Variants in CNTNAP5 observed in about 807,000 individuals in gnomAD.
CNTNAP5 encodes contactin associated protein family member 5.
Under a neutral mutation model 150.2 loss-of-function variants are expected in CNTNAP5, and 72 were observed. That is an observed-to-expected ratio of 0.48 (90% CI 0.40 to 0.58). CNTNAP5 has a LOEUF of 0.58. Ranked by LOEUF, CNTNAP5 falls within the 20% of genes least tolerant of loss-of-function variation. The pLI is 0.00. For synonymous variants in CNTNAP5, 672 were observed against 619.8 expected (o/e 1.08, Z -1.25); for missense variants, 1,636 against 1,626.2 (o/e 1.01, Z -0.10).
At chr2:124,830,475 A>G (rs1161898210) in intron 19 of CNTNAP5, among the ~76,000 whole-genome samples, 1 of 152,058 alleles carries the variant, frequency 6.6e-6, no homozygotes, top group African/African-American at 2.4e-5. Context: ...CCATTCAGAT[A>G]ACTGTCAAAT....
At chr2:124,579,816 C>T (rs184347990) in intron 11 of CNTNAP5, among the ~76,000 whole-genome samples, 1 of 152,200 alleles carries the variant, frequency 6.6e-6, no homozygotes, top group Admixed American at 6.5e-5. Flanking sequence ...GTTTTGGTCA[C>T]ACTCTCACCT....
intron 1 of CNTNAP5, among the ~76,000 whole-genome samples, chr2:124,200,195 C>A (rs1340251151): frequency 5.3e-5 from 8 of 152,180 alleles, no homozygotes; most frequent in Admixed American, 2.6e-4. Context: ...GACTTTACAT[C>A]TATTGAACTA....
At chr2:124,825,857 A>G (rs1001406610) in intron 19 of CNTNAP5, among the ~76,000 whole-genome samples, 14 of 152,120 alleles carry the variant, frequency 9.2e-5, no homozygotes, top group Admixed American at 8.5e-4. Flanking sequence ...CATGCTTTGT[A>G]TCTGTTGGAA....
At chr2:124,843,440 A>G (rs931058913) in intron 19 of CNTNAP5, among the ~76,000 whole-genome samples, 2 of 151,564 alleles carry the variant, frequency 1.3e-5, no homozygotes, top group East Asian at 1.9e-4. Context: ...GGCTGGTTCC[A>G]TATTTTTGCA....
At chr2:124,383,693 A>T (rs555814047) in intron 3 of CNTNAP5, among the ~76,000 whole-genome samples, 1 of 152,328 alleles carries the variant, frequency 6.6e-6, no homozygotes, top group East Asian at 1.9e-4. Flanking sequence ...GAGAAGGCTG[A>T]TTTATGCAAA....
At chr2:124,212,631 T>C (rs1490082430) in intron 1 of CNTNAP5, among the ~76,000 whole-genome samples, 1 of 152,126 alleles carries the variant, frequency 6.6e-6, no homozygotes, top group East Asian at 1.9e-4. Context: ...GTTTAATAGC[T>C]TTACCGTATT....
intron 18 of CNTNAP5, among the ~76,000 whole-genome samples, chr2:124,794,209 C>T (rs191942707): frequency 1.9e-4 from 29 of 152,318 alleles, no homozygotes; most frequent in Non-Finnish European, 4.1e-4. Flanking sequence ...ACAGATAAAT[C>T]GTGGAGCTCT....
chr2:124,895,005 C>T (rs1222969432), intron 21 of CNTNAP5, among the ~76,000 whole-genome samples: 1 of 151,396 alleles, frequency 6.6e-6, no homozygotes, highest in Admixed American at 6.6e-5. Context: ...ATCCAGGGGC[C>T]TTTACATAAT....
chr2:124,521,353 A>G (rs1010862139), intron 8 of CNTNAP5, among the ~76,000 whole-genome samples: 3 of 152,194 alleles, frequency 2.0e-5, no homozygotes, highest in Non-Finnish European at 4.4e-5. Flanking sequence ...ATGTAGGAAA[A>G]GACCAAATTA....
intron 13 of CNTNAP5, among the ~76,000 whole-genome samples, chr2:124,691,787 T>C (rs1436272743): frequency 1.3e-5 from 2 of 151,990 alleles, no homozygotes; most frequent in Non-Finnish European, 2.9e-5. Flanking sequence ...AGATAAAACA[T>C]GTGATGTGAT....
At chr2:124,139,982 G>C (rs996495874) in intron 1 of CNTNAP5, among the ~76,000 whole-genome samples, 7 of 152,188 alleles carry the variant, frequency 4.6e-5, no homozygotes, top group South Asian at 2.1e-4. Flanking sequence ...CTCGGGAAGC[G>C]CAAGGGGTCA....
At chr2:124,103,136 T>A in intron 1 of CNTNAP5, among the ~76,000 whole-genome samples, 1 of 152,018 alleles carries the variant, frequency 6.6e-6, no homozygotes, top group African/African-American at 2.4e-5. Flanking sequence ...TTTCAAAAGT[T>A]AAAAAAAATT....
At chr2:124,108,110 T>A (rs1216145858) in intron 1 of CNTNAP5, among the ~76,000 whole-genome samples, 2 of 152,336 alleles carry the variant, frequency 1.3e-5, no homozygotes, top group East Asian at 1.9e-4. Flanking sequence ...TGGCTGTCTG[T>A]CCTGCACCTG....
At chr2:124,650,642 T>C (rs1469878478) in intron 13 of CNTNAP5, among the ~76,000 whole-genome samples, 1 of 152,210 alleles carries the variant, frequency 6.6e-6, no homozygotes, top group African/African-American at 2.4e-5. Context: ...TTTTCCTTTA[T>C]CAGATGAATC....
chr2:124,419,329 G>A (rs1404742590), intron 4 of CNTNAP5, among the ~76,000 whole-genome samples: 1 of 152,030 alleles, frequency 6.6e-6, no homozygotes, highest in Non-Finnish European at 1.5e-5. Flanking sequence ...CACCCACAGT[G>A]TCTACTTGCA....
intron 1 of CNTNAP5, among the ~76,000 whole-genome samples, chr2:124,087,358 G>T (rs1440092669): frequency 6.6e-6 from 1 of 151,490 alleles, no homozygotes; most frequent in Non-Finnish European, 1.5e-5. Context: ...ATTATTTTAG[G>T]ATAGGCCTGC....
chr2:124,462,061 G>A (rs554402877), intron 6 of CNTNAP5, among the ~76,000 whole-genome samples: 4 of 151,874 alleles, frequency 2.6e-5, no homozygotes, highest in Non-Finnish European at 4.4e-5. Flanking sequence ...TGTGAGAAAG[G>A]CTATTATCTC....
At chr2:124,209,144 T>C (rs1363728081) in intron 1 of CNTNAP5, among the ~76,000 whole-genome samples, 7 of 152,132 alleles carry the variant, frequency 4.6e-5, no homozygotes, top group Non-Finnish European at 7.3e-5. Context: ...CATAGCTTGC[T>C]CACTCATCAG....
At chr2:124,576,999 G>A (rs564350818) in intron 11 of CNTNAP5, among the ~76,000 whole-genome samples, 1 of 152,256 alleles carries the variant, frequency 6.6e-6, no homozygotes, top group East Asian at 1.9e-4. Context: ...ATGTTTTCTT[G>A]CAGACTTCTT....
Sources: gnomAD v4.1 joint callset for allele counts (sites outside exome capture counted in the v4.1 genomes callset) on GRCh38, gnomAD v4.1.1 for gene constraint, MANE v1.5 for transcripts, NCBI Gene and HGNC (gene_info 2026-07-23, HGNC 2026-07-21) for gene names.